GPT: variants seen among roughly 807,000 people sequenced by gnomAD.
The protein encoded by GPT is alanine aminotransferase 1.
Under a neutral mutation model 51.4 loss-of-function variants are expected in GPT, and 60 were observed. The observed-to-expected ratio is 1.17, with a 90% CI of 0.95 to 1.45. The LOEUF is 1.45. GPT is among the 40% of genes most tolerant of loss of function. The probability of loss-of-function intolerance (pLI) is 0.00; values close to 1 mark genes in which losing one functional copy is unlikely to be tolerated. For missense variants in GPT, 853 were observed against 704.0 expected (o/e 1.21, Z -2.40); for synonymous variants, 397 against 303.1 (o/e 1.31, Z -3.22).
Position 144,505,869 on chromosome 8 carries a change from G to T in GPT, c.761G>T (p.Cys254Phe), listed in dbSNP as rs1377323760. The change falls in exon 6 of 11, where the codon TGC becomes TTC. Residue 254 changes from cysteine to phenylalanine, a missense_variant. Coordinates refer to ENST00000394955, the MANE Select transcript of GPT (RefSeq NM_005309.3). Reference sequence around the variant, plus strand: ...CCAGGGCAGGTGCAGACCCGCGAGTGCATCGAGGCCGTGATCCGCTTCGCC... The same window carrying T: ...CCAGGGCAGGTGCAGACCCGCGAGTTCATCGAGGCCGTGATCCGCTTCGCC... Reference protein sequence around the residue: ...NPTGQVQTRECIEAVIRFAFE... With the variant: ...NPTGQVQTREFIEAVIRFAFE... The T allele has an allele frequency of 3.0e-5, 47 of 1,559,954 alleles. No individual in the cohort carries two copies. Among genetic ancestry groups the T allele is most frequent in the Admixed American group, 1.1e-4 (6 of 52,186 alleles).
In GPT at chr8:144,506,537, G is replaced by A; in HGVS notation, c.1168G>A (p.Ala390Thr). ...QAVLAELAAK[A>T]KLTEQVFNEA... is the part of the protein sequence containing the mutation. The stretch of plus-strand genomic sequence containing the variant: ...AGTGCTGGCAGAGCTGGCGGCCAAG[G>A]CCAAGCTCACCGAGCAGGTCTTCAA... The change falls in exon 9 of 11, where the codon GCC (alanine) becomes ACC (threonine). Residue 390 changes from alanine to threonine, a missense_variant. By Grantham distance (58) the Ala-to-Thr change is moderately conservative. Transcript: ENST00000394955. The surrounding 1 kb of genome is among the most constrained non-coding windows in gnomAD (Gnocchi z 7.0). 6 of 1,594,828 alleles carry A rather than the reference G, an allele frequency of 3.8e-6. No individual in the cohort carries two copies. The highest frequency in any genetic ancestry group is 1.3e-5 in the African/African-American group (1 of 74,884).
rs760013246 is a variant in GPT, at chr8:144,504,760, C to T, written c.253-11C>T. Reference sequence around the variant, plus strand: ...CCCATGTGCCCTGGCCTCAGCACTCCGTCTTCCCAGGTCTTGGCCCTCTGT... The same window carrying T: ...CCCATGTGCCCTGGCCTCAGCACTCTGTCTTCCCAGGTCTTGGCCCTCTGT... On this transcript the variant is annotated splice_polypyrimidine_tract_variant and intron_variant, in intron 2 of 10. Transcript: ENST00000394955. 16 of 1,613,218 alleles carry T rather than the reference C, an allele frequency of 9.9e-6. No homozygotes were observed. In the East Asian group the frequency reaches 1.1e-4, roughly 11 times the overall value.
rs370128580 is a variant in GPT at position 144,504,326 on chromosome 8, C to T, written c.22C>T (p.Arg8Trp). Reference protein sequence around the residue: MASSTGDRSQAVRHGLRA... With the variant: MASSTGDWSQAVRHGLRA... ...AGTCATGGCCTCGAGCACAGGTGAC[C>T]GGAGCCAGGCGGTGAGGCATGGACT... Residue 8 changes from arginine to tryptophan, a missense_variant, in exon 1 of 11, where the codon CGG becomes TGG. Transcript: ENST00000394955. The T allele has an allele frequency of 7.9e-5, 127 of 1,609,756 alleles. No homozygotes were observed. The highest frequency in any genetic ancestry group is 5.0e-4 in the Middle Eastern group (3 of 6,026).
chr8:144,504,095 G>C (rs562529660), upstream of GPT: 3 of 619,494 alleles, frequency 4.8e-6, no homozygotes, highest in African/African-American at 3.6e-5. Context: ...CGGGTGGGGC[G>C]GGGCCCAACT....
In GPT at chr8:144,505,252, C is replaced by CTGAA; in HGVS notation, c.503_506dup (p.Lys169AsnfsTer63). 1 of 1,604,544 alleles carries CTGAA rather than the reference C, an allele frequency of 6.2e-7. No homozygotes were observed. The highest frequency in any genetic ancestry group is 8.5e-7 in the Non-Finnish European group (1 of 1,176,178). On this transcript the variant is annotated frameshift_variant, in exon 5 of 11. Coordinates refer to ENST00000394955, the MANE Select transcript of GPT (RefSeq NM_005309.3). LOFTEE classifies it high-confidence loss of function. ...TTCCCCTTCCTTTCCGCAGACGGTG[C>CTGAA]TGAAGCTGCTGGTGGCCGGCGAGGG...
rs1222794167 is a variant in GPT, at chr8:144,506,632, C to T, written c.1263C>T (p.Pro421=). ...ACTCCTTCCCGCGCGTGCAGCTGCC[C>T]CCGCGGGCGGTGGAGCGCGCTCAGG... is the stretch of plus-strand genomic sequence containing the variant. The part of the protein sequence containing the change: ...AMYSFPRVQL[P]PRAVERAQEL... The change falls in exon 9 of 11, where the codon CCC becomes CCT. Residue 421 remains proline (P), a synonymous_variant. Transcript: ENST00000394955. This position sits in a 1 kb window ranked among gnomAD's most constrained non-coding sequence, Gnocchi z 7.0. The T allele has an allele frequency of 4.5e-6, 7 of 1,556,754 alleles. No individual in the cohort carries two copies. Among genetic ancestry groups the T allele is most frequent in the South Asian group, 1.2e-5 (1 of 85,142 alleles).
chr8:144,505,223 T>C, intron 4 of GPT, 23 bp from the exon 5 acceptor site: 1 of 1,611,066 alleles, frequency 6.2e-7, no homozygotes, highest in Non-Finnish European at 8.5e-7. Context: ...TCGCCAACCC[T>C]GCCTTCCCCT....
At position 144,506,918 on chromosome 8, in the gene GPT, T is replaced by C. The variant is rs375770081; in HGVS notation, c.1409T>C (p.Ile470Thr). Residue 470 changes from isoleucine to threonine, a missense_variant, in exon 11 of 11, where the codon ATT becomes ACT. Coordinates refer to ENST00000394955, the MANE Select transcript of GPT (RefSeq NM_005309.3). This position sits in a 1 kb window ranked among gnomAD's most constrained non-coding sequence, Gnocchi z 7.0. Reference sequence around the variant, plus strand: ...CTGTCAACTCCTTTCAGGATGACCATTCTGCCCCCCTTGGAGAAACTGCGG... The same window carrying C: ...CTGTCAACTCCTTTCAGGATGACCACTCTGCCCCCCTTGGAGAAACTGCGG... ...REGTYHFRMT[I>T]LPPLEKLRLL... 4 of 1,612,812 alleles carry C rather than the reference T, an allele frequency of 2.5e-6. No homozygotes were observed. The African/African-American group carries it at 5.3e-5, about 22-fold the overall frequency.
chr8:144,506,644 G>A lies in GPT; in HGVS notation c.1275G>A (p.Val425=). ...GCGTGCAGCTGCCCCCGCGGGCGGTGGAGCGCGCTCAGGTCAGGCGGGGGC... is the reference window on the plus strand; with the variant it reads ...GCGTGCAGCTGCCCCCGCGGGCGGTAGAGCGCGCTCAGGTCAGGCGGGGGC... The part of the protein sequence containing the change: ...FPRVQLPPRA[V]ERAQELGLAP... The change falls in exon 9 of 11, where the codon GTG becomes GTA. Residue 425 remains valine (V), a synonymous_variant. Coordinates refer to ENST00000394955, the MANE Select transcript of GPT (RefSeq NM_005309.3). The surrounding 1 kb of genome is among the most constrained non-coding windows in gnomAD (Gnocchi z 7.0). 1 of 1,558,498 alleles carries A rather than the reference G, an allele frequency of 6.4e-7. No individual in the cohort carries two copies. Among genetic ancestry groups the A allele is most frequent in the Non-Finnish European group, 8.7e-7 (1 of 1,151,190 alleles).
At chr8:144,505,154 G>A (rs561409231) in intron 4 of GPT, 23 bp downstream of exon 4, 2 of 1,612,878 alleles carry the variant, frequency 1.2e-6, no homozygotes, top group East Asian at 2.2e-5. Context: ...TGGGCACCAA[G>A]ACATTCCTGA....
chr8:144,504,720 C>G lies in GPT; in HGVS notation c.252+27C>G, dbSNP rs766815870. On this transcript the variant is annotated intron_variant, in intron 2 of 10. Transcript: ENST00000394955. ...TGAGGCTCCTGCACTGCCCGGAGCA[C>G]CCCCCCACCCCCAGCCCATGTGCCC... The G allele has an allele frequency of 1.7e-5, 28 of 1,604,256 alleles. No homozygotes were observed. The East Asian group carries it at 5.4e-4, about 31-fold the overall frequency.
At position 144,506,691 on chromosome 8, in the gene GPT, G is replaced by C. The variant is rs772924716; in HGVS notation, c.1287+35G>C. On this transcript the variant is annotated intron_variant, in intron 9 of 10. Coordinates refer to ENST00000394955, the MANE Select transcript of GPT (RefSeq NM_005309.3). The surrounding 1 kb of genome is among the most constrained non-coding windows in gnomAD (Gnocchi z 7.0). ...GGGCGGGGCCTGCGGGGTGGGCAGG[G>C]GGGGCCGGGCATCCCTCTCTGACGG... 2.3e-5 allele frequency: 37 copies of C among 1,592,210 alleles called. No individual in the cohort carries two copies. In the South Asian group the frequency reaches 4.2e-4, roughly 18 times the overall value.
At position 144,504,310 on chromosome 8, in the gene GPT, C is replaced by T; in HGVS notation, c.6C>T (p.Ala2=). Residue 2 remains alanine (A), a synonymous_variant, in exon 1 of 11, where the codon GCC becomes GCT. Coordinates refer to ENST00000394955, the MANE Select transcript of GPT (RefSeq NM_005309.3). M[A]SSTGDRSQAV... ...CGCCTGGTCTGGGTAGAGTCATGGCCTCGAGCACAGGTGACCGGAGCCAGG... is the reference window on the plus strand; with the variant it reads ...CGCCTGGTCTGGGTAGAGTCATGGCTTCGAGCACAGGTGACCGGAGCCAGG... The T allele has an allele frequency of 3.1e-6, 5 of 1,608,766 alleles. No homozygotes were observed. The highest frequency in any genetic ancestry group is 4.2e-6 in the Non-Finnish European group (5 of 1,179,840).
At position 144,507,092 on chromosome 8, in the gene GPT, CT is replaced by C; in HGVS notation, c.*93del. ...AGCCCACTGTACTTGCTCTTGATGC[CT>C]GGCGGGGTGGGGTGGGGGGGGTGCT... On this transcript the variant is annotated 3_prime_UTR_variant, in exon 11 of 11. Transcript: ENST00000394955. 3 of 324,946 alleles carry C rather than the reference CT, an allele frequency of 9.2e-6. No individual in the cohort carries two copies. The highest frequency in any genetic ancestry group is 1.8e-5 in the Non-Finnish European group (3 of 162,872). 20.1% of individuals were successfully genotyped at this position (324,946 alleles called of 1,614,324 possible). A position where few individuals can be genotyped will look rare whatever the true frequency, so the allele number is the denominator to read the frequency against.
rs531547039 is a variant in GPT, at chr8:144,504,842, G to A, written c.324G>A (p.Ala108=). ...PNFPDDAKKR[A]ERILQACGGH... ...TCCCTGACGATGCCAAGAAAAGGGC[G>A]GAGCGCATCTTGCAGGCGTGTGGGG... The change falls in exon 3 of 11, where the codon GCG becomes GCA. Residue 108 remains alanine (A), a synonymous_variant. Transcript: ENST00000394955. The A allele has an allele frequency of 3.0e-5, 48 of 1,613,510 alleles. No homozygotes were observed. Among genetic ancestry groups the A allele is most frequent in the South Asian group, 6.6e-5 (6 of 91,082 alleles).
rs755111201 is a variant in GPT, at chr8:144,506,507, C to A, written c.1138C>A (p.Gln380Lys). 1.9e-6 allele frequency: 3 copies of A among 1,597,494 alleles called. No individual in the cohort carries two copies. Among genetic ancestry groups the A allele is most frequent in the Non-Finnish European group, 1.7e-6 (2 of 1,173,506 alleles). Residue 380 changes from glutamine (Q) to lysine (K), a missense_variant, in exon 9 of 11, where the codon CAG (glutamine) becomes AAG (lysine). Coordinates refer to ENST00000394955, the MANE Select transcript of GPT (RefSeq NM_005309.3). This position sits in a 1 kb window ranked among gnomAD's most constrained non-coding sequence, Gnocchi z 7.0. Reference sequence around the variant, plus strand: ...CCTCCCTCCGCGGCCACAGGAGAAGCAGGCAGTGCTGGCAGAGCTGGCGGC... The same window carrying A: ...CCTCCCTCCGCGGCCACAGGAGAAGAAGGCAGTGCTGGCAGAGCTGGCGGC... ...PSFAQFQAEK[Q>K]AVLAELAAKA...
At position 144,506,387 on chromosome 8, in the gene GPT, C is replaced by A; in HGVS notation, c.1112C>A (p.Ser371Tyr). 1.3e-6 allele frequency: 2 copies of A among 1,560,136 alleles called. No individual in the cohort carries two copies. The highest frequency in any genetic ancestry group is 1.7e-6 in the Non-Finnish European group (2 of 1,155,612). ...AGCCCGCCCGCGCCCACCGACCCCTCCTTTGCGCAGTTCCAGGCTGTGAGT... is the reference window on the plus strand; with the variant it reads ...AGCCCGCCCGCGCCCACCGACCCCTACTTTGCGCAGTTCCAGGCTGTGAGT... ...VVSPPAPTDP[S>Y]FAQFQAEKQA... is the part of the protein sequence containing the mutation. Residue 371 changes from serine to tyrosine, a missense_variant, in exon 8 of 11, where the codon TCC becomes TAC. Physicochemically the swap from Ser to Tyr is moderately radical, Grantham distance 144. Coordinates refer to ENST00000394955, the MANE Select transcript of GPT (RefSeq NM_005309.3). This position sits in a 1 kb window ranked among gnomAD's most constrained non-coding sequence, Gnocchi z 7.0.
chr8:144,506,220 G>A lies in GPT; in HGVS notation c.957-12G>A. On this transcript the variant is annotated splice_polypyrimidine_tract_variant and intron_variant, in intron 7 of 10. Transcript: ENST00000394955. This position sits in a 1 kb window ranked among gnomAD's most constrained non-coding sequence, Gnocchi z 7.0. ...CCACCCCCTCCTCCGCACCTGACCT[G>A]GCCGTGCGCAGGTGCGGGTTCCGCG... 1.2e-6 allele frequency: 2 copies of A among 1,606,102 alleles called. No individual in the cohort carries two copies. The highest frequency in any genetic ancestry group is 1.7e-6 in the Non-Finnish European group (2 of 1,178,168).
rs1200001127 is a variant in GPT, at chr8:144,506,857, C to T, written c.1400+14C>T. ...CTACCACTTCCGGTGAGGCCTGGCC[C>T]TCACTCCCTGTCCCGCCACCCTGGC... On this transcript the variant is annotated intron_variant, in intron 10 of 10. Transcript: ENST00000394955. The surrounding 1 kb of genome is among the most constrained non-coding windows in gnomAD (Gnocchi z 7.0). 1.9e-6 allele frequency: 3 copies of T among 1,612,206 alleles called. No individual in the cohort carries two copies. The highest frequency in any genetic ancestry group is 1.1e-5 in the South Asian group (1 of 91,074).
Sources: gnomAD v4.1 joint callset for allele counts on GRCh38, gnomAD v4.1.1 for gene constraint, Gnocchi (gnomAD v3.1) non-coding constraint, MANE v1.5 for transcripts, NCBI Gene and HGNC (gene_info 2026-07-23, HGNC 2026-07-21) for gene names.